RASAL2: variants seen among roughly 807,000 people sequenced by gnomAD.
RASAL2 encodes RAS protein activator like 2.
A neutral mutation model predicts 128.9 loss-of-function variants in RASAL2; 58 were observed. The observed-to-expected ratio is 0.45, with a 90% CI of 0.36 to 0.56. RASAL2 has a LOEUF of 0.56. Ranked by LOEUF, RASAL2 falls within the 20% of genes least tolerant of loss-of-function variation. The pLI, the probability that RASAL2 is intolerant of heterozygous loss-of-function variation, is 0.00. For missense variants in RASAL2, 1,360 were observed against 1,601.6 expected, an observed-to-expected ratio of 0.85 and a Z score of 2.57; for synonymous variants, 561 against 580.8, an observed-to-expected ratio of 0.97 and a Z score of 0.49.
At chr1:178,124,200 A>G (rs1271960304) in intron 1 of RASAL2, among the ~76,000 whole-genome samples, 1 of 152,214 alleles carries the variant, frequency 6.6e-6, no homozygotes, top group African/African-American at 2.4e-5. Context: ...TAGAGAGGAT[A>G]GGAGAGAGTC....
At chr1:178,160,370 C>T (rs1661237658) in intron 1 of RASAL2, among the ~76,000 whole-genome samples, 1 of 152,178 alleles carries the variant, frequency 6.6e-6, no homozygotes, top group Non-Finnish European at 1.5e-5. Flanking sequence ...CGCGGTGGCT[C>T]TCCCCTGTAA....
intron 1 of RASAL2, among the ~76,000 whole-genome samples, chr1:178,147,886 A>G (rs1660784455): frequency 6.6e-6 from 1 of 152,106 alleles, no homozygotes. Flanking sequence ...GCTGGCCAAC[A>G]TGGTGAAAAC....
chr1:178,154,970 T>C (rs1661035371), intron 1 of RASAL2, among the ~76,000 whole-genome samples: 2 of 152,134 alleles, frequency 1.3e-5, no homozygotes, highest in Admixed American at 6.5e-5. Flanking sequence ...ATTACAGTTA[T>C]GTGCCACCAC....
chr1:178,413,764 G>A (rs982455937), intron 4 of RASAL2, among the ~76,000 whole-genome samples: 2 of 152,152 alleles, frequency 1.3e-5, no homozygotes, highest in Non-Finnish European at 2.9e-5. Context: ...AATGGATAAA[G>A]CAGATAGCAT....
At chr1:178,127,366 G>A (rs1395330813) in intron 1 of RASAL2, among the ~76,000 whole-genome samples, 3 of 152,148 alleles carry the variant, frequency 2.0e-5, no homozygotes, top group Admixed American at 1.3e-4. Context: ...TGAAATAGAA[G>A]CGTTTAAAGG....
chr1:178,470,471 AGG>A (rs1292598932), intron 17 of RASAL2, among the ~76,000 whole-genome samples: 9 of 152,322 alleles, frequency 5.9e-5, no homozygotes, highest in African/African-American at 2.2e-4. Flanking sequence ...CTTGTAGCTT[AGG>A]GGCCATAGGG....
chr1:178,393,344 G>T (rs570359682), intron 4 of RASAL2, among the ~76,000 whole-genome samples: 1 of 152,296 alleles, frequency 6.6e-6, no homozygotes, highest in South Asian at 2.1e-4. Context: ...GGTCCCATCT[G>T]GGGGTGATGG....
chr1:178,231,630 C>T (rs1192124463), intron 1 of RASAL2, among the ~76,000 whole-genome samples: 1 of 152,094 alleles, frequency 6.6e-6, no homozygotes. Context: ...AAAATACTCA[C>T]TCACAGTTTT....
rs552595764 is a variant in RASAL2, at chr1:178,253,868, G to A, written c.203-29696G>A. ...TTTTGTGATTCTTCACTTGCTTCGGGCCATCTGGTCACAGGGGATATGATG... is the reference window on the plus strand; with the variant it reads ...TTTTGTGATTCTTCACTTGCTTCGGACCATCTGGTCACAGGGGATATGATG... On this transcript the variant is annotated intron_variant, in intron 1 of 17. Coordinates refer to ENST00000367649, the MANE Select transcript of RASAL2 (RefSeq NM_170692.4). Among the ~76,000 whole-genome samples the A allele has an allele frequency of 3.3e-5, 5 of 152,254 alleles. No homozygotes were observed. The South Asian group carries it at 8.3e-4, about 25-fold the overall frequency.
intron 3 of RASAL2, among the ~76,000 whole-genome samples, chr1:178,337,763 C>G (rs1034824562): frequency 6.6e-5 from 10 of 151,260 alleles, no homozygotes; most frequent in African/African-American, 2.2e-4. Flanking sequence ...CGGAGTTTTG[C>G]TCTTATTGCC....
rs1013238430 is a variant in RASAL2 at position 178,094,407 on chromosome 1, C to T, written c.-86C>T. The T allele has an allele frequency of 1.9e-5, 24 of 1,296,462 alleles. No individual in the cohort carries two copies. The highest frequency in any genetic ancestry group is 5.4e-4 in the Middle Eastern group (2 of 3,722). The allele number at this position is 1,296,462 out of a possible 1,614,324, so 80.3% of individuals were successfully genotyped here. Reference sequence around the variant, plus strand: ...CCCTGCCCTCGCTGCGCGCTCTCCTCCTCCCCTTACCGCAGGCAGGGCGCG... The same window carrying T: ...CCCTGCCCTCGCTGCGCGCTCTCCTTCTCCCCTTACCGCAGGCAGGGCGCG... On this transcript the variant is annotated 5_prime_UTR_variant, in exon 1 of 18. Coordinates refer to ENST00000367649, the MANE Select transcript of RASAL2 (RefSeq NM_170692.4).
At chr1:178,397,394 T>C (rs1352862568) in intron 4 of RASAL2, among the ~76,000 whole-genome samples, 1 of 152,222 alleles carries the variant, frequency 6.6e-6, no homozygotes, top group Non-Finnish European at 1.5e-5. Flanking sequence ...TGTTGTATGA[T>C]TCCATTTATA....
chr1:178,214,446 T>C (rs1187926355), intron 1 of RASAL2, among the ~76,000 whole-genome samples: 1 of 152,182 alleles, frequency 6.6e-6, no homozygotes, highest in African/African-American at 2.4e-5. Flanking sequence ...AATACCTGAA[T>C]GCTAAGCCAA....
At chr1:178,262,776 TC>T (rs71567186) in intron 1 of RASAL2, among the ~76,000 whole-genome samples, 1 of 149,292 alleles carries the variant, frequency 6.7e-6, no homozygotes, top group African/African-American at 2.5e-5. Context: ...TCTCTTCTCA[TC>T]CCCCCTGCCC....
At chr1:178,267,832 C>T (rs1361272886) in intron 1 of RASAL2, among the ~76,000 whole-genome samples, 1 of 151,790 alleles carries the variant, frequency 6.6e-6, no homozygotes, top group African/African-American at 2.4e-5. Flanking sequence ...CTCATGGAGC[C>T]CTCCTCTTCT....
chr1:178,405,016 T>C (rs1384642553), intron 4 of RASAL2, among the ~76,000 whole-genome samples: 1 of 152,158 alleles, frequency 6.6e-6, no homozygotes, highest in Non-Finnish European at 1.5e-5. Flanking sequence ...ATAGAAATAT[T>C]ATTTCACCTT....
chr1:178,307,521 A>G (rs1571826878), intron 3 of RASAL2, among the ~76,000 whole-genome samples: 2 of 152,216 alleles, frequency 1.3e-5, no homozygotes, highest in South Asian at 4.1e-4. Flanking sequence ...TGGAAGGCAT[A>G]TTAGTTGGCC....
chr1:178,369,758 CAAT>C (rs773870357), intron 3 of RASAL2, among the ~76,000 whole-genome samples: 2 of 152,018 alleles, frequency 1.3e-5, no homozygotes, highest in South Asian at 4.2e-4. Context: ...ATCTCACTTT[CAAT>C]AATAATCTAG....
intron 3 of RASAL2, among the ~76,000 whole-genome samples, chr1:178,344,061 CTT>C (rs1218493726): frequency 6.6e-6 from 1 of 152,082 alleles, no homozygotes; most frequent in Non-Finnish European, 1.5e-5. Flanking sequence ...AAATAATTTT[CTT>C]TTGACCAGTG....
Sources: gnomAD v4.1 joint callset for allele counts (sites outside exome capture counted in the v4.1 genomes callset) on GRCh38, gnomAD v4.1.1 for gene constraint, MANE v1.5 for transcripts, NCBI Gene and HGNC (gene_info 2026-07-23, HGNC 2026-07-21) for gene names.